The following DHPS variants were observed in gnomAD, a reference collection of about 807,000 sequenced individuals.
DHPS encodes migration-inducing gene 13.
A neutral mutation model predicts 38.7 loss-of-function variants in DHPS; 24 were observed. The observed-to-expected ratio is 0.62, with a 90% confidence interval of 0.45 to 0.87. The LOEUF is 0.87. Ranked by LOEUF, DHPS falls within the 40% of genes least tolerant of loss-of-function variation. The pLI, the probability that DHPS is intolerant of heterozygous loss-of-function variation, is 0.00. For synonymous variants in DHPS, 250 were observed against 204.4 expected, an observed-to-expected ratio of 1.22 and a Z score of -1.90; for missense variants, 510 against 497.6, an observed-to-expected ratio of 1.02 and a Z score of -0.24.
At chr19:12,678,768 CAAA>C (rs1183531365) in intron 5 of DHPS, among the ~76,000 whole-genome samples, 27 of 46,330 alleles carry the variant, frequency 5.8e-4, no homozygotes, top group Non-Finnish European at 7.9e-4. Flanking sequence ...GACTCTGTCT[CAAA>C]AAAAAAAAAA....
intron 5 of DHPS, among the ~76,000 whole-genome samples, 171 bp from the exon 6 acceptor site, chr19:12,677,567 GA>G (rs1380941466): frequency 6.6e-6 from 1 of 152,118 alleles, no homozygotes; most frequent in Non-Finnish European, 1.5e-5. Flanking sequence ...AAAACCCACA[GA>G]AAACACTTAG....
intron 1 of DHPS, 159 bp downstream of exon 1, chr19:12,681,401 G>T (rs1468006360): frequency 9.4e-7 from 1 of 1,066,610 alleles, no homozygotes; most frequent in South Asian, 1.6e-5. Context: ...TCCCAGGACA[G>T]AAACTCCCGC....
rs749261364 is a variant in DHPS, at chr19:12,681,802, T to G, written c.-36A>C. The G allele has an allele frequency of 6.3e-7, 1 of 1,582,154 alleles. No homozygotes were observed. Among genetic ancestry groups the G allele is most frequent in the South Asian group, 1.1e-5 (1 of 90,476 alleles). On this transcript the variant is annotated 5_prime_UTR_variant, in exon 1 of 9. Coordinates refer to ENST00000210060, the MANE Select transcript of DHPS (RefSeq NM_001930.4). Reference sequence around the variant, plus strand: ...CCGGCTCTCGAGTCAAAGCTGCCCCTAGGCCGGGCTTACGGCGGCCCAGAA... The same window carrying G: ...CCGGCTCTCGAGTCAAAGCTGCCCCGAGGCCGGGCTTACGGCGGCCCAGAA...
chr19:12,681,307 A>T, intron 1 of DHPS: 1 of 1,192,790 alleles, frequency 8.4e-7, no homozygotes, highest in South Asian at 1.6e-5. Flanking sequence ...AAATGTACCT[A>T]GAACCCGCCC....
chr19:12,679,404 ATAAGT>A (rs2024723272), intron 5 of DHPS, 48 bp downstream of exon 5: 5 of 1,534,000 alleles, frequency 3.3e-6, no homozygotes, highest in Middle Eastern at 1.7e-4. Flanking sequence ...GAAAGATGAA[ATAAGT>A]TAACACATGC....
chr19:12,678,377 G>C (rs757148895), intron 5 of DHPS, among the ~76,000 whole-genome samples: 4 of 152,128 alleles, frequency 2.6e-5, no homozygotes, highest in Non-Finnish European at 4.4e-5. Context: ...TGAGGCAGGA[G>C]AATCGACTGA....
Position 12,681,455 on chromosome 19 carries a change from T to C in DHPS, c.207+105A>G, listed in dbSNP as rs1327533269. On this transcript the variant is annotated intron_variant, in intron 1 of 8. Coordinates refer to ENST00000210060, the MANE Select transcript of DHPS (RefSeq NM_001930.4). Reference sequence around the variant, plus strand: ...TCCTCCAACTATTGGGCAACTCAAATAAAAGACATATCCCCTCCACTGGAA... The same window carrying C: ...TCCTCCAACTATTGGGCAACTCAAACAAAAGACATATCCCCTCCACTGGAA... The C allele has an allele frequency of 8.2e-6, 11 of 1,343,820 alleles. No homozygotes were observed. In the Admixed American group the frequency reaches 8.6e-5, roughly 10 times the overall value. 83.2% of individuals were successfully genotyped at this position (1,343,820 alleles called of 1,614,324 possible).
In DHPS at chr19:12,679,925, G is replaced by A. The variant is rs376295951; in HGVS notation, c.373-3C>T. 37 of 1,611,168 alleles carry A rather than the reference G, an allele frequency of 2.3e-5. No individual in the cohort carries two copies. The highest frequency in any genetic ancestry group is 1.6e-4 in the Middle Eastern group (1 of 6,072). On this transcript the variant is annotated splice_region_variant and splice_polypyrimidine_tract_variant and intron_variant, in intron 2 of 8. Coordinates refer to ENST00000210060, the MANE Select transcript of DHPS (RefSeq NM_001930.4). Reference sequence around the variant, plus strand: ...GCTGTGGTCACCAATACGTCCACCTGCAGCCACAAGGCAGTGAATTTGGCC... The same window carrying A: ...GCTGTGGTCACCAATACGTCCACCTACAGCCACAAGGCAGTGAATTTGGCC...
chr19:12,681,044 G>A (rs1599385963), intron 1 of DHPS: 2 of 997,132 alleles, frequency 2.0e-6, no homozygotes, highest in African/African-American at 3.5e-5. Flanking sequence ...ATGTTGGCCA[G>A]GCTTGTCTCG....
chr19:12,675,506 T>C (rs1382563886), downstream of DHPS: 1 of 1,601,154 alleles, frequency 6.2e-7, no homozygotes, highest in Non-Finnish European at 8.5e-7. Context: ...AACCACTCCC[T>C]ACCCCTCGCT....
At chr19:12,680,018 T>C (rs752399814) in intron 2 of DHPS, 96 bp from the exon 3 acceptor site, 4 of 1,560,506 alleles carry the variant, frequency 2.6e-6, no homozygotes, top group Non-Finnish European at 3.5e-6. Context: ...GTGACTCTTA[T>C]GAGGGAGCTC....
chr19:12,681,647 C>G lies in DHPS; in HGVS notation c.120G>C (p.Val40=). The G allele has an allele frequency of 6.2e-7, 1 of 1,614,220 alleles. No individual in the cohort carries two copies. Among genetic ancestry groups the G allele is most frequent in the South Asian group, 1.1e-5 (1 of 91,086 alleles). ...QVRGYDFNRG[V]NYRALLEAFG... ...AGGCCTCCAGCAGTGCGCGGTAATTCACACCGCGGTTGAAGTCGTAGCCCC... is the reference window on the plus strand; with the variant it reads ...AGGCCTCCAGCAGTGCGCGGTAATTGACACCGCGGTTGAAGTCGTAGCCCC... Residue 40 remains valine (V), a synonymous_variant, in exon 1 of 9, where the codon GTG becomes GTC. Transcript: ENST00000210060.
At chr19:12,676,945 C>T (rs1035818615) in intron 7 of DHPS, 163 bp downstream of exon 7, 3 of 649,074 alleles carry the variant, frequency 4.6e-6, no homozygotes, top group Non-Finnish European at 8.3e-6. Context: ...CAATGACTGC[C>T]CCCTGACGTG....
chr19:12,676,833 A>G, intron 7 of DHPS: 1 of 482,976 alleles, frequency 2.1e-6, no homozygotes, highest in East Asian at 3.9e-5. Flanking sequence ...TGCCTCCCCA[A>G]ACCCCTGCTC....
chr19:12,678,767 TCAA>T (rs2024698966), intron 5 of DHPS, among the ~76,000 whole-genome samples: 1 of 54,598 alleles, frequency 1.8e-5, no homozygotes, highest in Admixed American at 2.3e-4. Context: ...AGACTCTGTC[TCAA>T]AAAAAAAAAA....
chr19:12,681,081 C>T, intron 1 of DHPS: 1 of 1,239,940 alleles, frequency 8.1e-7, no homozygotes, highest in Non-Finnish European at 1.0e-6. Context: ...ATCCACCCGC[C>T]TCGGCTTCCC....
intron 1 of DHPS, chr19:12,681,077 C>G: frequency 8.2e-7 from 1 of 1,219,424 alleles, no homozygotes; most frequent in Non-Finnish European, 1.1e-6. Context: ...CTTGATCCAC[C>G]CGCCTCGGCT....
chr19:12,674,834 G>A (rs183448566), downstream of DHPS, among the ~76,000 whole-genome samples: 535 of 152,086 alleles, frequency 3.5e-3, no homozygotes, highest in Non-Finnish European at 3.9e-3. Context: ...AAAGACTCCC[G>A]GCCAGGCATG....
At chr19:12,677,010 A>G in intron 7 of DHPS, 98 bp downstream of exon 7, 1 of 1,142,646 alleles carries the variant, frequency 8.8e-7, no homozygotes, top group Non-Finnish European at 1.3e-6. Context: ...GGGAGCAGGG[A>G]TCCTGGCCTG....
Sources: gnomAD v4.1 joint callset for allele counts (sites outside exome capture counted in the v4.1 genomes callset) on GRCh38, gnomAD v4.1.1 for gene constraint, MANE v1.5 for transcripts, NCBI Gene and HGNC (gene_info 2026-07-23, HGNC 2026-07-21) for gene names.